The following SMAP1 variants were observed in gnomAD, a reference collection of about 807,000 sequenced individuals.
SMAP1 encodes the protein stromal membrane-associated protein 1.
SMAP1 carries 24 observed loss-of-function variants against 58.5 expected under a neutral mutation model. The observed-to-expected ratio is 0.41, with a 90% CI of 0.30 to 0.58. The LOEUF (loss-of-function observed/expected upper bound fraction) is 0.58, where lower values mean the gene tolerates loss of function less well. SMAP1 is among the 20% of genes least tolerant of loss of function. The probability of loss-of-function intolerance (pLI) is 0.29; values close to 1 mark genes in which losing one functional copy is unlikely to be tolerated. For synonymous variants in SMAP1, 216 were observed against 196.6 expected (o/e 1.10, Z -0.82); for missense variants, 563 against 566.3 (o/e 0.99, Z 0.06).
intron 1 of SMAP1, among the ~76,000 whole-genome samples, chr6:70,711,591 G>A (rs574143964): frequency 5.3e-5 from 8 of 150,600 alleles, no homozygotes; most frequent in South Asian, 4.2e-4. Flanking sequence ...GCATTGGCGC[G>A]ATCTCTGCTC....
intron 6 of SMAP1, among the ~76,000 whole-genome samples, chr6:70,809,570 G>A (rs185119347): frequency 1.9e-3 from 289 of 152,290 alleles, no homozygotes; most frequent in South Asian, 5.6e-3. Context: ...GATAGGTTAT[G>A]TTGTTTAACA....
chr6:70,857,139 T>TTTG (rs1771460809), intron 9 of SMAP1, 109 bp downstream of exon 9: 8 of 1,134,040 alleles, frequency 7.1e-6, no homozygotes, highest in Non-Finnish European at 9.5e-6. Flanking sequence ...AGTGAGTGCT[T>TTTG]TTGTTGTTGC....
intron 1 of SMAP1, among the ~76,000 whole-genome samples, chr6:70,682,770 G>A (rs1260695457): frequency 1.3e-5 from 2 of 152,176 alleles, no homozygotes; most frequent in Admixed American, 1.3e-4. Flanking sequence ...AAGTGCTGTG[G>A]CTCATGCCTG....
intron 4 of SMAP1, among the ~76,000 whole-genome samples, chr6:70,784,161 G>T (rs1767896019): frequency 2.0e-5 from 3 of 152,046 alleles, no homozygotes; most frequent in Non-Finnish European, 4.4e-5. Context: ...CATTCTTAAA[G>T]AAAAGAATTT....
chr6:70,739,095 A>G (rs951438802), intron 2 of SMAP1, among the ~76,000 whole-genome samples: 1 of 152,200 alleles, frequency 6.6e-6, no homozygotes, highest in Non-Finnish European at 1.5e-5. Context: ...GGCAGTCAAA[A>G]TTTAAATTTT....
rs1294646768 is a variant in SMAP1 at position 70,789,863 on chromosome 6, T to TTTG, written c.415-1814_415-1812dup. On this transcript the variant is annotated intron_variant, in intron 4 of 10. Coordinates refer to ENST00000370455, the MANE Select transcript of SMAP1 (RefSeq NM_001044305.3). ...GACAGAGTGAGACCCTGTCTGAATT[T>TTTG]TTGTTGTTGTTGTTAAATTACTGAT... 2.0e-5 allele frequency among the ~76,000 whole-genome samples: 3 copies of TTTG among 151,962 alleles called. No homozygotes were observed. The East Asian group carries it at 5.8e-4, about 29-fold the overall frequency.
intron 1 of SMAP1, among the ~76,000 whole-genome samples, chr6:70,674,954 G>C (rs1045556921): frequency 6.6e-6 from 1 of 152,112 alleles, no homozygotes; most frequent in African/African-American, 2.4e-5. Flanking sequence ...CATCCAGCCT[G>C]GGCGACAGAG....
chr6:70,740,821 A>G (rs1373125005), intron 2 of SMAP1, among the ~76,000 whole-genome samples: 2 of 152,168 alleles, frequency 1.3e-5, no homozygotes, highest in Non-Finnish European at 2.9e-5. Context: ...AAAGAGGTTT[A>G]ATGGACTCAC....
chr6:70,745,426 A>G lies in SMAP1; in HGVS notation c.253-9554A>G, dbSNP rs2149877959. ...GTTTTCCCAGCACCATTTATTAAAT[A>G]GGGAATCCTTTCCCCATTTCTTGTT... On this transcript the variant is annotated intron_variant, in intron 2 of 10. Transcript: ENST00000370455. Among the ~76,000 whole-genome samples, 4 of 152,344 alleles carry G rather than the reference A, an allele frequency of 2.6e-5. No homozygotes were observed. The East Asian group carries it at 7.7e-4, about 29-fold the overall frequency.
At chr6:70,700,485 A>G (rs1084389) in intron 1 of SMAP1, among the ~76,000 whole-genome samples, 66,068 of 151,968 alleles carry the variant, frequency 0.43, 14,727 homozygotes, top group South Asian at 0.5. Context: ...TTTAGTAGAG[A>G]TGGAGTTTCA....
chr6:70,790,172 G>T (rs1436883608), intron 4 of SMAP1, among the ~76,000 whole-genome samples: 1 of 151,846 alleles, frequency 6.6e-6, no homozygotes, highest in Non-Finnish European at 1.5e-5. Flanking sequence ...ACGGAGTCTC[G>T]CTCTGTCTCC....
At chr6:70,815,098 A>G (rs562612163) in intron 6 of SMAP1, among the ~76,000 whole-genome samples, 4 of 152,252 alleles carry the variant, frequency 2.6e-5, no homozygotes, top group African/African-American at 9.6e-5. Flanking sequence ...TGACCTTGGC[A>G]TTGCTCACAC....
chr6:70,754,557 G>A (rs967199351), intron 2 of SMAP1, among the ~76,000 whole-genome samples: 10 of 152,036 alleles, frequency 6.6e-5, no homozygotes, highest in African/African-American at 2.4e-4. Context: ...GATCTTGATT[G>A]TAAATCAGTA....
chr6:70,758,123 A>G (rs2149893262), intron 3 of SMAP1, among the ~76,000 whole-genome samples: 1 of 150,864 alleles, frequency 6.6e-6, no homozygotes, highest in East Asian at 1.9e-4. Context: ...ACCAACCCAA[A>G]TGTCCAACAA....
intron 6 of SMAP1, among the ~76,000 whole-genome samples, chr6:70,832,166 TGTCAGA>T (rs1244142375): frequency 6.6e-6 from 1 of 152,222 alleles, no homozygotes; most frequent in African/African-American, 2.4e-5. Flanking sequence ...ATTAGACCTT[TGTCAGA>T]CGCATACTTA....
chr6:70,785,183 C>G (rs1767955479), intron 4 of SMAP1, among the ~76,000 whole-genome samples: 1 of 152,178 alleles, frequency 6.6e-6, no homozygotes, highest in African/African-American at 2.4e-5. Context: ...GGAAACTGAA[C>G]AACCTGCTCC....
At chr6:70,840,491 A>T (rs766110894) in intron 7 of SMAP1, among the ~76,000 whole-genome samples, 2 of 152,204 alleles carry the variant, frequency 1.3e-5, no homozygotes, top group Non-Finnish European at 2.9e-5. Flanking sequence ...TGCAGGCCTT[A>T]TGATCTCTTA....
chr6:70,857,259 C>A (rs987511167), intron 9 of SMAP1: 1 of 352,752 alleles, frequency 2.8e-6, no homozygotes. Flanking sequence ...GTTCATAGAT[C>A]ACTAAATGTT....
chr6:70,850,654 C>T (rs948581499), intron 7 of SMAP1, among the ~76,000 whole-genome samples: 1 of 152,028 alleles, frequency 6.6e-6, no homozygotes, highest in Non-Finnish European at 1.5e-5. Flanking sequence ...GTTTGCCCAT[C>T]TCTAACTCTG....
Sources: allele counts gnomAD v4.1 joint callset (sites outside exome capture counted in the v4.1 genomes callset), GRCh38; gene constraint gnomAD v4.1.1; transcripts MANE v1.5; gene names NCBI Gene and HGNC (gene_info 2026-07-23, HGNC 2026-07-21).